ANTXR1: variants seen among roughly 807,000 people sequenced by gnomAD.
ANTXR1 encodes the protein anthrax toxin receptor 1.
A neutral mutation model predicts 78.1 loss-of-function variants in ANTXR1; 19 were observed. The observed-to-expected ratio is 0.24, with a 90% CI of 0.17 to 0.36. The LOEUF is 0.36. Ranked by LOEUF, ANTXR1 falls within the 10% of genes least tolerant of loss-of-function variation. The pLI is 1.00. For missense variants in ANTXR1, 518 were observed against 718.6 expected (o/e 0.72, Z 3.19); for synonymous variants, 273 against 260.5 (o/e 1.05, Z -0.46).
chr2:69,035,460 A>G (rs916343464), intron 1 of ANTXR1, among the ~76,000 whole-genome samples: 4 of 152,196 alleles, frequency 2.6e-5, no homozygotes, highest in Non-Finnish European at 5.9e-5. Flanking sequence ...AAGGAGTCCA[A>G]GGTGCAGATC....
chr2:69,091,574 G>T (rs1263589610), intron 9 of ANTXR1, among the ~76,000 whole-genome samples: 4 of 151,998 alleles, frequency 2.6e-5, no homozygotes, highest in African/African-American at 4.8e-5. Context: ...GGATAGAAAT[G>T]GAATCACCCC....
At chr2:69,168,515 C>T (rs930116413) in intron 13 of ANTXR1, among the ~76,000 whole-genome samples, 1 of 152,168 alleles carries the variant, frequency 6.6e-6, no homozygotes, top group Admixed American at 6.5e-5. Flanking sequence ...CCTCTTCACA[C>T]CCAGGGGCCT....
At chr2:69,046,323 G>A (rs1669766591) in intron 3 of ANTXR1, among the ~76,000 whole-genome samples, 1 of 152,114 alleles carries the variant, frequency 6.6e-6, no homozygotes, top group African/African-American at 2.4e-5. Context: ...AGAGGGGTCA[G>A]GGATTTATAA....
At chr2:69,146,610 C>T (rs777831222) in intron 12 of ANTXR1, among the ~76,000 whole-genome samples, 13 of 152,198 alleles carry the variant, frequency 8.5e-5, no homozygotes, top group African/African-American at 1.7e-4. Context: ...CTGTCATCTG[C>T]GTCATAAAGT....
intron 10 of ANTXR1, among the ~76,000 whole-genome samples, chr2:69,113,755 G>A (rs1033730740): frequency 2.6e-5 from 4 of 152,166 alleles, no homozygotes; most frequent in South Asian, 2.1e-4. Flanking sequence ...ACAAGGGTTC[G>A]TGTGTCAGGA....
chr2:69,132,761 G>A (rs754009874), intron 12 of ANTXR1, among the ~76,000 whole-genome samples: 11 of 152,350 alleles, frequency 7.2e-5, no homozygotes, highest in South Asian at 6.2e-4. Flanking sequence ...ATGGGGAGGA[G>A]GTTGCTGGTA....
At chr2:69,021,518 A>T (rs1242421937) in intron 1 of ANTXR1, among the ~76,000 whole-genome samples, 1 of 152,146 alleles carries the variant, frequency 6.6e-6, no homozygotes. Context: ...TTCCTTCCTG[A>T]TACCTCCTGC....
At chr2:69,183,695 A>T (rs1007115175) in intron 16 of ANTXR1, among the ~76,000 whole-genome samples, 2 of 149,358 alleles carry the variant, frequency 1.3e-5, no homozygotes, top group African/African-American at 4.9e-5. Flanking sequence ...GATTACAGGC[A>T]TGGGCCACCA....
intron 10 of ANTXR1, among the ~76,000 whole-genome samples, chr2:69,119,233 C>T (rs889382597): frequency 6.6e-6 from 1 of 152,170 alleles, no homozygotes; most frequent in Non-Finnish European, 1.5e-5. Context: ...CAGGGCATGC[C>T]AGCCTGGAGT....
At chr2:69,187,425 GA>G (rs950899316) in intron 16 of ANTXR1, among the ~76,000 whole-genome samples, 53 of 145,618 alleles carry the variant, frequency 3.6e-4, no homozygotes, top group South Asian at 8.7e-4. Context: ...ACCAAAAGAA[GA>G]AAAAAAAAAG....
intron 4 of ANTXR1, among the ~76,000 whole-genome samples, 187 bp from the exon 5 acceptor site, chr2:69,071,567 C>G (rs1405510386): frequency 6.6e-6 from 1 of 152,194 alleles, no homozygotes; most frequent in Non-Finnish European, 1.5e-5. Flanking sequence ...TAACTGTATA[C>G]TACTTAAATG....
intron 17 of ANTXR1, among the ~76,000 whole-genome samples, chr2:69,199,431 T>C (rs1674724631): frequency 6.6e-6 from 1 of 152,214 alleles, no homozygotes; most frequent in African/African-American, 2.4e-5. Flanking sequence ...CTTTTCTATA[T>C]TTCTCCATAG....
chr2:69,240,765 T>C (rs970368815), intron 17 of ANTXR1, among the ~76,000 whole-genome samples: 4 of 152,208 alleles, frequency 2.6e-5, no homozygotes, highest in African/African-American at 9.7e-5. Flanking sequence ...TGCCACTTAC[T>C]GGCTGTGTAG....
chr2:69,157,824 T>C (rs955787989), intron 13 of ANTXR1, among the ~76,000 whole-genome samples: 4 of 152,236 alleles, frequency 2.6e-5, no homozygotes, highest in Admixed American at 1.3e-4. Context: ...CTTTCTCACC[T>C]TCATTAAAGA....
chr2:69,013,247 A>C lies in ANTXR1; in HGVS notation c.-253A>C, dbSNP rs1254486435. 8.8e-6 allele frequency: 5 copies of C among 566,100 alleles called. No homozygotes were observed. In the Admixed American group the frequency reaches 1.2e-4, roughly 14 times the overall value. The allele number at this position is 566,100 out of a possible 1,614,324, so 35.1% of individuals were successfully genotyped here. On this transcript the variant is annotated 5_prime_UTR_variant, in exon 1 of 18. Transcript: ENST00000303714. The surrounding 1 kb of genome is among the most constrained non-coding windows in gnomAD (Gnocchi z 5.0). ...CTGCCCGGCGGCCCCGGACCGAGGC[A>C]GCCCTCCCCTTTAAAAGAAGCGGAG...
chr2:69,136,543 A>C (rs1672913480), intron 12 of ANTXR1, among the ~76,000 whole-genome samples: 1 of 152,242 alleles, frequency 6.6e-6, no homozygotes, highest in Non-Finnish European at 1.5e-5. Flanking sequence ...TTTGTGAGTC[A>C]AAGTAATATC....
At chr2:69,226,050 C>G (rs1358113803) in intron 17 of ANTXR1, among the ~76,000 whole-genome samples, 1 of 152,180 alleles carries the variant, frequency 6.6e-6, no homozygotes, top group East Asian at 1.9e-4. Flanking sequence ...CACACTGCCT[C>G]TCCATTGCAT....
At chr2:69,232,300 T>A (rs1675638548) in intron 17 of ANTXR1, among the ~76,000 whole-genome samples, 1 of 152,006 alleles carries the variant, frequency 6.6e-6, no homozygotes, top group African/African-American at 2.4e-5. Flanking sequence ...TTTTCTTAAC[T>A]TGTAAAAATC....
chr2:69,235,966 C>T (rs1675754392), intron 17 of ANTXR1, among the ~76,000 whole-genome samples: 1 of 152,134 alleles, frequency 6.6e-6, no homozygotes, highest in Non-Finnish European at 1.5e-5. Context: ...TACATGGCGA[C>T]AGGTGAGAAA....
Sources: allele counts gnomAD v4.1 joint callset (sites outside exome capture counted in the v4.1 genomes callset), GRCh38; gene constraint gnomAD v4.1.1; non-coding constraint Gnocchi (gnomAD v3.1); transcripts MANE v1.5; gene names NCBI Gene and HGNC (gene_info 2026-07-23, HGNC 2026-07-21).